Variants in OR6C74 observed in about 807,000 individuals in gnomAD.
The protein encoded by OR6C74 is olfactory receptor family 6 subfamily C member 74.
For synonymous variants in OR6C74, 142 were observed against 134.2 expected, an observed-to-expected ratio of 1.06 and a Z score of -0.40; for missense variants, 361 against 362.9, an observed-to-expected ratio of 0.99 and a Z score of 0.04.
Position 55,256,059 on chromosome 12 carries a change from G to A in OR6C74, c.*7833G>A, listed in dbSNP as rs541659739. ...TCCTGATTATTGTAAATACAAAATTGCATGCAGGATTGTGTAAAGACAATG... is the reference window on the plus strand; with the variant it reads ...TCCTGATTATTGTAAATACAAAATTACATGCAGGATTGTGTAAAGACAATG... On this transcript the variant is annotated 3_prime_UTR_variant, in exon 2 of 2. Transcript: ENST00000343399. Among the ~76,000 whole-genome samples, 14 of 152,192 alleles carry A rather than the reference G, an allele frequency of 9.2e-5. No homozygotes were observed. The highest frequency in any genetic ancestry group is 3.4e-4 in the African/African-American group (14 of 41,534).
rs1954332488 is a variant in OR6C74 at position 55,254,760 on chromosome 12, AAGCTC to A, written c.*6538_*6542del. ...TTTACCTTATACATCTACTTTGAGAAAGCTCAGCCTTAAATATAAGCTTCTTTCCA... is the reference window on the plus strand; with the variant it reads ...TTTACCTTATACATCTACTTTGAGAAAGCCTTAAATATAAGCTTCTTTCCA... On this transcript the variant is annotated 3_prime_UTR_variant, in exon 2 of 2. Transcript: ENST00000343399. Among the ~76,000 whole-genome samples, 1 of 152,120 alleles carries A rather than the reference AAGCTC, an allele frequency of 6.6e-6. No individual in the cohort carries two copies. Among genetic ancestry groups the A allele is most frequent in the South Asian group, 2.1e-4 (1 of 4,824 alleles).
At position 55,253,048 on chromosome 12, in the gene OR6C74, G is replaced by C. The variant is rs1162019020; in HGVS notation, c.*4822G>C. 6.6e-6 allele frequency among the ~76,000 whole-genome samples: 1 copy of C among 151,814 alleles called. No individual in the cohort carries two copies. The highest frequency in any genetic ancestry group is 2.4e-5 in the African/African-American group (1 of 41,360). ...TACCAAAACAATCCTTGGCCTGTGG[G>C]CTATGGTTTGCTGGCCTGTGGAATA... On this transcript the variant is annotated 3_prime_UTR_variant, in exon 2 of 2. Transcript: ENST00000343399.
chr12:55,247,031 C>G (rs1239373070), intron 1 of OR6C74, among the ~76,000 whole-genome samples: 4 of 151,918 alleles, frequency 2.6e-5, no homozygotes, highest in Admixed American at 2.6e-4. Flanking sequence ...TGACTTTTAT[C>G]GATGCAACAT....
rs914051111 is a variant in OR6C74 at position 55,249,960 on chromosome 12, G to A, written c.*1734G>A. On this transcript the variant is annotated 3_prime_UTR_variant, in exon 2 of 2. Transcript: ENST00000343399. ...GTGATGTTCGCCTTCCTGTGTCCAG[G>A]TGTTCTTATTGTTCAATTCCCACCT... Among the ~76,000 whole-genome samples, 1 of 152,056 alleles carries A rather than the reference G, an allele frequency of 6.6e-6. No individual in the cohort carries two copies. Among genetic ancestry groups the A allele is most frequent in the Non-Finnish European group, 1.5e-5 (1 of 68,012 alleles).
chr12:55,256,267 G>T lies in OR6C74; in HGVS notation c.*8041G>T, dbSNP rs961297755. 1.3e-5 allele frequency among the ~76,000 whole-genome samples: 2 copies of T among 151,666 alleles called. No homozygotes were observed. The highest frequency in any genetic ancestry group is 1.9e-4 in the East Asian group (1 of 5,134). On this transcript the variant is annotated 3_prime_UTR_variant, in exon 2 of 2. Coordinates refer to ENST00000343399, the MANE Select transcript of OR6C74 (RefSeq NM_001005490.2). ...TGTAGAGCCTATAAATGGACGCATT[G>T]GGGGGGCACCTGTTCATATGGATAA...
rs963070079 is a variant in OR6C74 at position 55,253,472 on chromosome 12, A to G, written c.*5246A>G. On this transcript the variant is annotated 3_prime_UTR_variant, in exon 2 of 2. Transcript: ENST00000343399. ...TTATTATCTCTTAGTGAGGGAGACCATATGGTTTTCCACTTGGCCCTGAAT... is the reference window on the plus strand; with the variant it reads ...TTATTATCTCTTAGTGAGGGAGACCGTATGGTTTTCCACTTGGCCCTGAAT... Among the ~76,000 whole-genome samples the G allele has an allele frequency of 7.2e-5, 11 of 152,084 alleles. No homozygotes were observed. The highest frequency in any genetic ancestry group is 1.5e-5 in the Non-Finnish European group (1 of 67,976).
At position 55,252,170 on chromosome 12, in the gene OR6C74, CTT is replaced by C. The variant is rs1006107655; in HGVS notation, c.*3947_*3948del. Among the ~76,000 whole-genome samples the C allele has an allele frequency of 5.3e-5, 8 of 151,562 alleles. No individual in the cohort carries two copies. Among genetic ancestry groups the C allele is most frequent in the South Asian group, 2.1e-4 (1 of 4,826 alleles). On this transcript the variant is annotated 3_prime_UTR_variant, in exon 2 of 2. Transcript: ENST00000343399. ...TTAATAATATAACTTTACAGTATAA[CTT>C]TTAATTTTACTTATGGTACAAATAT...
In OR6C74 at chr12:55,250,417, T is replaced by G. The variant is rs7300644; in HGVS notation, c.*2191T>G. On this transcript the variant is annotated 3_prime_UTR_variant, in exon 2 of 2. Transcript: ENST00000343399. ...AAATTCAGAAATATACTTAGTAGAC[T>G]TAACTACTTAGAATAGATGGATTTT... Among the ~76,000 whole-genome samples the G allele has an allele frequency of 0.041, 6,267 of 152,178 alleles. 436 individuals carry two copies. The highest frequency in any genetic ancestry group is 0.14 in the African/African-American group (5,890 of 41,522).
At position 55,252,164 on chromosome 12, in the gene OR6C74, G is replaced by A. The variant is rs1954315547; in HGVS notation, c.*3938G>A. 6.6e-6 allele frequency among the ~76,000 whole-genome samples: 1 copy of A among 151,526 alleles called. No individual in the cohort carries two copies. The highest frequency in any genetic ancestry group is 2.1e-4 in the South Asian group (1 of 4,826). ...TATATTTTAATAATATAACTTTACA[G>A]TATAACTTTTAATTTTACTTATGGT... On this transcript the variant is annotated 3_prime_UTR_variant, in exon 2 of 2. Transcript: ENST00000343399.
Position 55,248,083 on chromosome 12 carries a change from G to A in OR6C74, c.796G>A (p.Val266Met), listed in dbSNP as rs1954287484. Reference protein sequence around the residue: ...MYVKPSAKERVSLNKGIALLS... With the variant: ...MYVKPSAKERMSLNKGIALLS... ...TGTGAAACCCTCAGCAAAAGAAAGA[G>A]TGTCATTAAATAAAGGGATAGCTCT... is the stretch of plus-strand genomic sequence containing the variant. Residue 266 changes from valine to methionine, a missense_variant, in exon 2 of 2, where the codon GTG becomes ATG. Val to Met is a conservative substitution (Grantham distance 21, BLOSUM62 1). Transcript: ENST00000343399. 6.8e-6 allele frequency: 11 copies of A among 1,614,104 alleles called. No individual in the cohort carries two copies. Among genetic ancestry groups the A allele is most frequent in the Non-Finnish European group, 9.3e-6 (11 of 1,179,978 alleles).
rs1043377749 is a variant in OR6C74 at position 55,248,606 on chromosome 12, G to T, written c.*380G>T. ...AGAGTTCAGTAGACTACCTAGGTTT[G>T]ATCACTTAACGCGTGCATTATTGGT... On this transcript the variant is annotated 3_prime_UTR_variant, in exon 2 of 2. Coordinates refer to ENST00000343399, the MANE Select transcript of OR6C74 (RefSeq NM_001005490.2). Among the ~76,000 whole-genome samples, 1 of 152,146 alleles carries T rather than the reference G, an allele frequency of 6.6e-6. No homozygotes were observed. The highest frequency in any genetic ancestry group is 1.5e-5 in the Non-Finnish European group (1 of 68,032).
rs1190887341 is a variant in OR6C74, at chr12:55,255,112, T to C, written c.*6886T>C. ...TTGCTTCCTGACTAGGATTATAAAA[T>C]AGATGTCTCCCAGGGTGGCCAGGTT... is the stretch of plus-strand genomic sequence containing the variant. On this transcript the variant is annotated 3_prime_UTR_variant, in exon 2 of 2. Coordinates refer to ENST00000343399, the MANE Select transcript of OR6C74 (RefSeq NM_001005490.2). Among the ~76,000 whole-genome samples, 1 of 152,056 alleles carries C rather than the reference T, an allele frequency of 6.6e-6. No homozygotes were observed. Among genetic ancestry groups the C allele is most frequent in the Admixed American group, 6.6e-5 (1 of 15,258 alleles).
At position 55,248,160 on chromosome 12, in the gene OR6C74, A is replaced by C. The variant is rs766723708; in HGVS notation, c.873A>C (p.Arg291Ser). 6.2e-7 allele frequency: 1 copy of C among 1,613,746 alleles called. No individual in the cohort carries two copies. The highest frequency in any genetic ancestry group is 1.1e-5 in the South Asian group (1 of 90,994). ...PMLNPFIYTL[R>S]NKQVKDVFKH... ...TGAATCCCTTTATTTATACACTGAG[A>C]AACAAACAAGTAAAAGATGTTTTTA... The change falls in exon 2 of 2, where the codon AGA (arginine) becomes AGC (serine). Residue 291 changes from arginine to serine, a missense_variant. Coordinates refer to ENST00000343399, the MANE Select transcript of OR6C74 (RefSeq NM_001005490.2).
intron 1 of OR6C74, among the ~76,000 whole-genome samples, chr12:55,246,822 C>T (rs1420706073): frequency 6.6e-6 from 1 of 152,026 alleles, no homozygotes; most frequent in Admixed American, 6.5e-5. Flanking sequence ...TCTTAAAAGA[C>T]AGAGTTCTCA....
rs1281067423 is a variant in OR6C74, at chr12:55,254,767, G to T, written c.*6541G>T. Among the ~76,000 whole-genome samples the T allele has an allele frequency of 6.6e-6, 1 of 152,020 alleles. No individual in the cohort carries two copies. Among genetic ancestry groups the T allele is most frequent in the Non-Finnish European group, 1.5e-5 (1 of 67,986 alleles). ...TATACATCTACTTTGAGAAAGCTCA[G>T]CCTTAAATATAAGCTTCTTTCCAAG... On this transcript the variant is annotated 3_prime_UTR_variant, in exon 2 of 2. Transcript: ENST00000343399.
rs1161715740 is a variant in OR6C74 at position 55,251,307 on chromosome 12, C to T, written c.*3081C>T. On this transcript the variant is annotated 3_prime_UTR_variant, in exon 2 of 2. Transcript: ENST00000343399. ...CTGGTCGACAAGTATATGTTAGTCACTTCATACTCAAATTTTGTAGTGTTT... is the reference window on the plus strand; with the variant it reads ...CTGGTCGACAAGTATATGTTAGTCATTTCATACTCAAATTTTGTAGTGTTT... 2.0e-5 allele frequency among the ~76,000 whole-genome samples: 3 copies of T among 152,024 alleles called. No individual in the cohort carries two copies. The highest frequency in any genetic ancestry group is 1.3e-4 in the Admixed American group (2 of 15,228).
chr12:55,247,752 T>C lies in OR6C74; in HGVS notation c.465T>C (p.Phe155=), dbSNP rs1592244428. Residue 155 remains phenylalanine, a synonymous_variant, in exon 2 of 2, where the codon TTT becomes TTC. Coordinates refer to ENST00000343399, the MANE Select transcript of OR6C74 (RefSeq NM_001005490.2). The part of the protein sequence containing the change: ...ASWMAGFLII[F]PPLLMGLQLD... Reference sequence around the variant, plus strand: ...GGATGGCTGGCTTCCTAATAATTTTTCCGCCACTCCTGATGGGTCTCCAGC... The same window carrying C: ...GGATGGCTGGCTTCCTAATAATTTTCCCGCCACTCCTGATGGGTCTCCAGC... The C allele has an allele frequency of 3.1e-6, 5 of 1,613,994 alleles. No individual in the cohort carries two copies. Among genetic ancestry groups the C allele is most frequent in the Non-Finnish European group, 4.2e-6 (5 of 1,179,982 alleles).
Position 55,249,594 on chromosome 12 carries a change from G to A in OR6C74, c.*1368G>A, listed in dbSNP as rs1954299165. Reference sequence around the variant, plus strand: ...AATATTAACAGGGCACTGAGAAGCTGAGAAGATTCAAATAGACTTTTCAAT... The same window carrying A: ...AATATTAACAGGGCACTGAGAAGCTAAGAAGATTCAAATAGACTTTTCAAT... On this transcript the variant is annotated 3_prime_UTR_variant, in exon 2 of 2. Transcript: ENST00000343399. 6.6e-6 allele frequency among the ~76,000 whole-genome samples: 1 copy of A among 152,048 alleles called. No individual in the cohort carries two copies. Among genetic ancestry groups the A allele is most frequent in the Non-Finnish European group, 1.5e-5 (1 of 67,990 alleles).
rs770671732 is a variant in OR6C74, at chr12:55,248,016, G to A, written c.729G>A (p.Met243Ile). 2.9e-5 allele frequency: 46 copies of A among 1,613,892 alleles called. 1 individual carries two copies. In the East Asian group the frequency reaches 9.6e-4, roughly 34 times the overall value. Reference protein sequence around the residue: ...KKAFSTCSSHMVVVSISYGSC... With the variant: ...KKAFSTCSSHIVVVSISYGSC... ...CATTTTCTACATGTTCTTCCCACAT[G>A]GTGGTCGTGTCCATTTCTTATGGCA... The change falls in exon 2 of 2, where the codon ATG (methionine) becomes ATA (isoleucine). Residue 243 changes from methionine (M) to isoleucine (I), a missense_variant. Coordinates refer to ENST00000343399, the MANE Select transcript of OR6C74 (RefSeq NM_001005490.2).
Sources: gnomAD v4.1 joint callset for allele counts (sites outside exome capture counted in the v4.1 genomes callset) on GRCh38, gnomAD v4.1.1 for gene constraint, MANE v1.5 for transcripts, NCBI Gene and HGNC (gene_info 2026-07-23, HGNC 2026-07-21) for gene names.